COL28A1: variants seen among roughly 807,000 people sequenced by gnomAD.
COL28A1 encodes the protein collagen alpha-1(XXVIII) chain.
Under a neutral mutation model 150.2 loss-of-function variants are expected in COL28A1, and 161 were observed. That is an observed-to-expected ratio of 1.07 (90% CI 0.94 to 1.22). COL28A1 has a LOEUF of 1.22. Ranked by LOEUF, COL28A1 falls within the 50% of genes most tolerant of loss-of-function variation. The pLI, the probability that COL28A1 is intolerant of heterozygous loss-of-function variation, is 0.00. For synonymous variants in COL28A1, 552 were observed against 469.7 expected (o/e 1.18, Z -2.26); for missense variants, 1,617 against 1,388.3 (o/e 1.16, Z -2.62).
At chr7:7,396,765 T>C (rs1782857330) in intron 27 of COL28A1, among the ~76,000 whole-genome samples, 1 of 152,182 alleles carries the variant, frequency 6.6e-6, no homozygotes, top group Non-Finnish European at 1.5e-5. Context: ...TATATTTGAT[T>C]TTCATTCAAA....
chr7:7,486,058 T>G (rs1319411700), intron 13 of COL28A1, among the ~76,000 whole-genome samples: 4 of 152,198 alleles, frequency 2.6e-5, no homozygotes, highest in African/African-American at 4.8e-5. Context: ...AATTTACATC[T>G]TTATGTTGTT....
intron 27 of COL28A1, among the ~76,000 whole-genome samples, chr7:7,407,763 T>C (rs559022110): frequency 5.3e-5 from 8 of 152,138 alleles, no homozygotes; most frequent in African/African-American, 1.9e-4. Flanking sequence ...AGTAAATACA[T>C]GAATAAATCT....
chr7:7,375,588 G>A, intron 30 of COL28A1, 91 bp from the exon 31 acceptor site: 3 of 712,930 alleles, frequency 4.2e-6, no homozygotes, highest in African/African-American at 1.8e-5. Context: ...AATCAGCACT[G>A]GACCATTTGA....
intron 9 of COL28A1, among the ~76,000 whole-genome samples, chr7:7,510,309 C>T (rs557958160): frequency 1.4e-4 from 21 of 151,698 alleles, no homozygotes; most frequent in Admixed American, 4.6e-4. Flanking sequence ...ATTTTTGAGA[C>T]GGAGTCACTC....
At chr7:7,342,221 C>T in the COL28A1 span, among the ~76,000 whole-genome samples, 4 of 152,078 alleles carry the variant, frequency 2.6e-5, no homozygotes, top group African/African-American at 9.7e-5. Flanking sequence ...CTTTTGCCTT[C>T]GTATCACTTT....
At chr7:7,343,951 A>G in the COL28A1 span, among the ~76,000 whole-genome samples, 2 of 151,982 alleles carry the variant, frequency 1.3e-5, no homozygotes, top group South Asian at 4.2e-4. Flanking sequence ...GGAGGCTGCA[A>G]TGTGCTATAT....
rs138743036 is a variant in COL28A1 at position 7,458,619 on chromosome 7, G to A, written c.1303-2507C>T. ...GGAAAACATAATGGAATCCAGTTCT[G>A]GCTCAGAGCTGGACTATTTTGATTC... On this transcript the variant is annotated intron_variant, in intron 15 of 34. Transcript: ENST00000399429. 6.6e-5 allele frequency among the ~76,000 whole-genome samples: 10 copies of A among 152,156 alleles called. No individual in the cohort carries two copies. The East Asian group carries it at 1.9e-3, about 29-fold the overall frequency.
chr7:7,532,449 C>T (rs762010490), intron 2 of COL28A1, among the ~76,000 whole-genome samples: 3 of 151,972 alleles, frequency 2.0e-5, no homozygotes, highest in Non-Finnish European at 4.4e-5. Flanking sequence ...TTGAGTATGC[C>T]ACTCGACCTG....
At chr7:7,443,986 G>GTTTTTTTTTTTT (rs71010980) in intron 19 of COL28A1, among the ~76,000 whole-genome samples, 14 of 95,546 alleles carry the variant, frequency 1.5e-4, no homozygotes, top group South Asian at 3.7e-4. Flanking sequence ...TCCATCTGCT[G>GTTTTTTTTTTTT]TTTTTTTTTT....
the COL28A1 span, among the ~76,000 whole-genome samples, chr7:7,339,150 A>G: frequency 6.6e-6 from 1 of 152,136 alleles, no homozygotes; most frequent in Admixed American, 6.6e-5. Context: ...GTTTTAAACC[A>G]CTGAGTTTTG....
intron 11 of COL28A1, 48 bp from the exon 12 acceptor site, chr7:7,490,694 A>G: frequency 1.2e-6 from 1 of 843,468 alleles, no homozygotes; most frequent in Non-Finnish European, 2.0e-6. Context: ...TCGACTCAAT[A>G]GTATTGACTA....
chr7:7,532,414 C>G (rs1484412750), intron 2 of COL28A1, among the ~76,000 whole-genome samples: 1 of 152,064 alleles, frequency 6.6e-6, no homozygotes, highest in East Asian at 1.9e-4. Flanking sequence ...AGCTCTGTGT[C>G]TCAGTGGTTA....
intron 25 of COL28A1, chr7:7,431,527 T>G (rs1286755172): frequency 4.2e-6 from 2 of 471,114 alleles, no homozygotes; most frequent in South Asian, 1.5e-5. Flanking sequence ...GAGTCCCTGA[T>G]GCAGGAATGA....
chr7:7,485,220 T>G (rs1779560238), intron 13 of COL28A1, among the ~76,000 whole-genome samples: 1 of 152,176 alleles, frequency 6.6e-6, no homozygotes, highest in East Asian at 1.9e-4. Flanking sequence ...TGTACACATA[T>G]ATAGATATAT....
At chr7:7,533,963 G>A (rs1782508650) in intron 1 of COL28A1, among the ~76,000 whole-genome samples, 1 of 152,150 alleles carries the variant, frequency 6.6e-6, no homozygotes, top group South Asian at 2.1e-4. Flanking sequence ...TTGCCTTTAG[G>A]GGATAAGAAT....
intron 18 of COL28A1, among the ~76,000 whole-genome samples, chr7:7,445,435 G>A (rs1453034033): frequency 1.3e-5 from 2 of 152,112 alleles, no homozygotes; most frequent in Non-Finnish European, 2.9e-5. Flanking sequence ...ACTGATTTTG[G>A]ACTTCTAGCC....
intron 13 of COL28A1, among the ~76,000 whole-genome samples, chr7:7,480,557 C>A (rs1413342250): frequency 6.6e-6 from 1 of 152,046 alleles, no homozygotes; most frequent in Non-Finnish European, 1.5e-5. Context: ...ACAAAGAAAA[C>A]ACATACTTTA....
intron 11 of COL28A1, among the ~76,000 whole-genome samples, chr7:7,491,045 C>G (rs532967568): frequency 6.6e-6 from 1 of 152,132 alleles, no homozygotes; most frequent in South Asian, 2.1e-4. Context: ...AAAGGCATAA[C>G]GCAGCCATCA....
At chr7:7,456,683 T>C (rs1203092841) in intron 15 of COL28A1, among the ~76,000 whole-genome samples, 1 of 152,198 alleles carries the variant, frequency 6.6e-6, no homozygotes, top group Non-Finnish European at 1.5e-5. Context: ...TGTGTCTTTA[T>C]ACAGGTGTTT....
Sources: allele counts gnomAD v4.1 joint callset (sites outside exome capture counted in the v4.1 genomes callset), GRCh38; gene constraint gnomAD v4.1.1; transcripts MANE v1.5; gene names NCBI Gene and HGNC (gene_info 2026-07-23, HGNC 2026-07-21).